The following PRR5L variants were observed in gnomAD, a reference collection of about 807,000 sequenced individuals.
PRR5L encodes the protein proline-rich protein 5-like.
In PRR5L, 21 loss-of-function variants were observed where a neutral mutation model predicts 36.4. The ratio of observed to expected loss-of-function variants is 0.58; its 90% confidence interval spans 0.41 to 0.83. The LOEUF (loss-of-function observed/expected upper bound fraction) is 0.83. Ranked by LOEUF, PRR5L falls within the 40% of genes least tolerant of loss-of-function variation. The probability of loss-of-function intolerance (pLI) is 0.00; values close to 1 mark genes in which losing one functional copy is unlikely to be tolerated. For synonymous variants in PRR5L, 188 were observed against 197.0 expected, an observed-to-expected ratio of 0.95 and a Z score of 0.38; for missense variants, 381 against 473.3, an observed-to-expected ratio of 0.80 and a Z score of 1.81.
At chr11:36,307,180 GC>G (rs1227022737) in intron 1 of PRR5L, among the ~76,000 whole-genome samples, 3 of 152,080 alleles carry the variant, frequency 2.0e-5, no homozygotes, top group Non-Finnish European at 4.4e-5. Flanking sequence ...ATAAAATCAT[GC>G]TGTGAGATAT....
chr11:36,309,669 A>AGTGGGGATGGTGGTGGTGG (rs1249307158), intron 1 of PRR5L, among the ~76,000 whole-genome samples: 1 of 812 alleles, frequency 1.2e-3, no homozygotes, highest in Non-Finnish European at 2.5e-3. Flanking sequence ...TGGTGGTGGT[A>AGTGGGGATGGTGGTGGTGG]TATGATTTCA....
chr11:36,362,776 T>C (rs934720456), intron 1 of PRR5L, among the ~76,000 whole-genome samples: 10 of 152,106 alleles, frequency 6.6e-5, no homozygotes, highest in Non-Finnish European at 1.2e-4. Context: ...AATAATGTGC[T>C]GTCATTGATT....
At position 36,382,015 on chromosome 11, in the gene PRR5L, G is replaced by A. The variant is rs944779219; in HGVS notation, c.-125-18982G>A. 1.1e-4 allele frequency among the ~76,000 whole-genome samples: 16 copies of A among 152,186 alleles called. No individual in the cohort carries two copies. In the East Asian group the frequency reaches 1.6e-3, roughly 15 times the overall value. On this transcript the variant is annotated intron_variant, in intron 1 of 8. Transcript: ENST00000530639. ...CTACTAAAAATACAAAAAATGAGCC[G>A]GGCATGGTGGCGTGTGCCTGTAGTC...
intron 1 of PRR5L, chr11:36,376,339 G>A (rs1590501140): frequency 1.9e-6 from 2 of 1,058,674 alleles, no homozygotes; most frequent in African/African-American, 4.6e-5. Flanking sequence ...AGGGGGAGGA[G>A]GAGGAAGAGG....
At chr11:36,403,205 C>A in intron 2 of PRR5L, 93 bp from the exon 3 acceptor site, 1 of 1,034,216 alleles carries the variant, frequency 9.7e-7, no homozygotes, top group Non-Finnish European at 1.5e-6. Flanking sequence ...TATGAGCTTC[C>A]TGGTCACTCC....
chr11:36,303,564 G>C (rs1368074775), intron 1 of PRR5L, among the ~76,000 whole-genome samples: 1 of 152,160 alleles, frequency 6.6e-6, no homozygotes, highest in Non-Finnish European at 1.5e-5. Flanking sequence ...ATCTGCACCT[G>C]TTATAAAATA....
At chr11:36,438,000 G>A (rs1215091208) in intron 6 of PRR5L, among the ~76,000 whole-genome samples, 2 of 152,158 alleles carry the variant, frequency 1.3e-5, no homozygotes, top group African/African-American at 4.8e-5. Context: ...TCAAGAGTGT[G>A]GGCTTGGGCA....
chr11:36,460,394 TCCC>T (rs1173025048), intron 8 of PRR5L, among the ~76,000 whole-genome samples: 3 of 151,832 alleles, frequency 2.0e-5, no homozygotes, highest in Non-Finnish European at 4.4e-5. Flanking sequence ...CCTTCGCCCC[TCCC>T]CCAAGTCTGC....
At chr11:36,362,484 C>T (rs998981334) in intron 1 of PRR5L, among the ~76,000 whole-genome samples, 1 of 151,908 alleles carries the variant, frequency 6.6e-6, no homozygotes, top group Non-Finnish European at 1.5e-5. Flanking sequence ...CAAGGAGAAC[C>T]GGAGACAGTA....
chr11:36,336,020 A>T (rs2133476088), intron 1 of PRR5L, among the ~76,000 whole-genome samples: 1 of 152,174 alleles, frequency 6.6e-6, no homozygotes, highest in South Asian at 2.1e-4. Context: ...CATGAGAGGG[A>T]ATGTGGCCAT....
intron 1 of PRR5L, among the ~76,000 whole-genome samples, chr11:36,382,272 G>A (rs1857383398): frequency 6.6e-6 from 1 of 152,202 alleles, no homozygotes; most frequent in African/African-American, 2.4e-5. Context: ...ACAGGTTGAG[G>A]AATTGAGATC....
intron 1 of PRR5L, among the ~76,000 whole-genome samples, chr11:36,371,915 G>C (rs920073241): frequency 1.3e-5 from 2 of 152,080 alleles, no homozygotes; most frequent in African/African-American, 4.8e-5. Flanking sequence ...AAAATTAGCT[G>C]TGTGTGGTGG....
At chr11:36,393,552 C>A (rs923417266) in intron 1 of PRR5L, among the ~76,000 whole-genome samples, 1 of 152,082 alleles carries the variant, frequency 6.6e-6, no homozygotes, top group Non-Finnish European at 1.5e-5. Flanking sequence ...GTTTTTTATG[C>A]CAGTACTATG....
chr11:36,450,616 T>A (rs927324371), intron 7 of PRR5L, among the ~76,000 whole-genome samples: 1 of 152,214 alleles, frequency 6.6e-6, no homozygotes, highest in East Asian at 1.9e-4. Flanking sequence ...CTTTCTCTTA[T>A]AGCCCTGAAC....
At chr11:36,432,113 G>A (rs1394593944) in intron 5 of PRR5L, among the ~76,000 whole-genome samples, 1 of 152,084 alleles carries the variant, frequency 6.6e-6, no homozygotes, top group East Asian at 1.9e-4. Context: ...TCAGAAAAAT[G>A]TAGTGGGACG....
intron 1 of PRR5L, among the ~76,000 whole-genome samples, chr11:36,349,209 G>A (rs570044529): frequency 6.1e-4 from 92 of 150,680 alleles, no homozygotes; most frequent in African/African-American, 1.7e-3. Context: ...GCTTGAACCC[G>A]CGAGGCGGAG....
At chr11:36,376,218 G>A (rs1857255895) in intron 1 of PRR5L, 1 of 1,290,924 alleles carries the variant, frequency 7.7e-7, no homozygotes, top group Non-Finnish European at 1.0e-6. Context: ...TGAAGGGGAG[G>A]AGGAGTGAGA....
chr11:36,365,259 T>C (rs996926873), intron 1 of PRR5L, among the ~76,000 whole-genome samples: 7 of 152,114 alleles, frequency 4.6e-5, no homozygotes, highest in Non-Finnish European at 7.3e-5. Context: ...GGGCTTTTTT[T>C]TTTCTCTGTA....
At chr11:36,447,807 G>A (rs886253488) in intron 7 of PRR5L, among the ~76,000 whole-genome samples, 2 of 152,152 alleles carry the variant, frequency 1.3e-5, no homozygotes, top group Non-Finnish European at 2.9e-5. Flanking sequence ...GGTGTAATTG[G>A]CCGGAATGCC....
Sources: gnomAD v4.1 joint callset for allele counts (sites outside exome capture counted in the v4.1 genomes callset) on GRCh38, gnomAD v4.1.1 for gene constraint, MANE v1.5 for transcripts, NCBI Gene and HGNC (gene_info 2026-07-23, HGNC 2026-07-21) for gene names.